Variants in TRIM36 observed in about 807,000 individuals in gnomAD.
TRIM36 encodes the protein tripartite motif containing 36.
Under a neutral mutation model 72.4 loss-of-function variants are expected in TRIM36, and 42 were observed. That is an observed-to-expected ratio of 0.58 (90% confidence interval 0.45 to 0.75). The LOEUF is 0.75. Among genes scored for constraint, TRIM36 ranks in the 30% least tolerant of loss-of-function variants. The pLI is 0.00. For synonymous variants in TRIM36, 315 were observed against 282.8 expected (o/e 1.11, Z -1.14); for missense variants, 913 against 857.1 (o/e 1.07, Z -0.81).
exon 1 of TRIM36, chr5:115,179,995 C>G: frequency 6.2e-7 from 1 of 1,614,120 alleles, no homozygotes; most frequent in Non-Finnish European, 8.5e-7. Context: ...GCTATCAATT[C>G]CATGATGTAG....
intron 8 of TRIM36, among the ~76,000 whole-genome samples, chr5:115,131,636 A>G (rs1453376515): frequency 1.3e-5 from 2 of 152,228 alleles, no homozygotes; most frequent in Non-Finnish European, 2.9e-5. Flanking sequence ...CAGCCTTAAA[A>G]AGGAAAGATT....
chr5:115,159,783 G>A (rs762929107), intron 2 of TRIM36: 3 of 398,872 alleles, frequency 7.5e-6, no homozygotes, highest in Non-Finnish European at 1.5e-5. Flanking sequence ...TACAATTATT[G>A]AATTAACAGT....
chr5:115,140,755 T>C (rs1753233219), intron 5 of TRIM36, among the ~76,000 whole-genome samples: 2 of 152,332 alleles, frequency 1.3e-5, no homozygotes, highest in Admixed American at 6.5e-5. Flanking sequence ...CTTATTGCTA[T>C]TTTTATTCTA....
intron 1 of TRIM36, among the ~76,000 whole-genome samples, chr5:115,175,224 C>CCTCCA (rs1399745830): frequency 6.6e-6 from 1 of 151,988 alleles, no homozygotes; most frequent in Admixed American, 6.5e-5. Context: ...GTCAGCCCTA[C>CCTCCA]CTCCACTTCT....
intron 1 of TRIM36, chr5:115,177,857 G>C (rs1755409584): frequency 6.2e-7 from 1 of 1,613,978 alleles, no homozygotes; most frequent in Admixed American, 1.7e-5. Context: ...GTTTGCTGCA[G>C]GCCCATTGCT....
At chr5:115,152,804 A>C (rs1352543880) in intron 2 of TRIM36, among the ~76,000 whole-genome samples, 2 of 152,218 alleles carry the variant, frequency 1.3e-5, no homozygotes, top group African/African-American at 4.8e-5. Context: ...TTTTTCAGAC[A>C]AACAAATGCT....
chr5:115,177,652 G>C, intron 1 of TRIM36: 2 of 1,587,068 alleles, frequency 1.3e-6, no homozygotes, highest in Non-Finnish European at 1.7e-6. Context: ...TGAGCCTGAG[G>C]AGAGTGGTAG....
intron 7 of TRIM36, among the ~76,000 whole-genome samples, chr5:115,135,707 C>G (rs146355480): frequency 4.6e-5 from 7 of 152,146 alleles, no homozygotes; most frequent in Non-Finnish European, 8.8e-5. Flanking sequence ...TGTATATATA[C>G]TATTCAAGCA....
At chr5:115,143,365 C>T (rs1234701812) in intron 4 of TRIM36, among the ~76,000 whole-genome samples, 1 of 151,528 alleles carries the variant, frequency 6.6e-6, no homozygotes, top group Non-Finnish European at 1.5e-5. Context: ...ACAAAAGACC[C>T]AAACGTTTCC....
intron 1 of TRIM36, among the ~76,000 whole-genome samples, chr5:115,174,962 T>C (rs1466720989): frequency 6.6e-6 from 1 of 152,160 alleles, no homozygotes; most frequent in African/African-American, 2.4e-5. Flanking sequence ...TCTGGCCAAC[T>C]TGAGGTAAAC....
At chr5:115,155,304 C>T (rs1215460285) in intron 2 of TRIM36, among the ~76,000 whole-genome samples, 1 of 151,946 alleles carries the variant, frequency 6.6e-6, no homozygotes, top group African/African-American at 2.4e-5. Context: ...GCCGAGATCG[C>T]ACCACTGCAC....
At chr5:115,155,931 A>C (rs1300055164) in intron 2 of TRIM36, among the ~76,000 whole-genome samples, 1 of 152,174 alleles carries the variant, frequency 6.6e-6, no homozygotes, top group African/African-American at 2.4e-5. Flanking sequence ...AAAGCTCCTA[A>C]AACAGATAAA....
intron 4 of TRIM36, 93 bp downstream of exon 4, chr5:115,144,505 C>T: frequency 4.8e-6 from 7 of 1,459,018 alleles, no homozygotes; most frequent in Non-Finnish European, 6.6e-6. Context: ...ACAAAAGAGA[C>T]CATATAACAC....
upstream of TRIM36, among the ~76,000 whole-genome samples, chr5:115,172,002 A>G (rs1755136006): frequency 2.0e-5 from 3 of 152,194 alleles, no homozygotes; most frequent in South Asian, 6.2e-4. Flanking sequence ...AGGACTTTCT[A>G]AGCCTAATTC....
Position 115,163,604 on chromosome 5 carries a change from A to G in TRIM36, c.176T>C (p.Val59Ala). The change falls in exon 2 of 10, where the codon GTG (valine) becomes GCG (alanine). Residue 59 changes from valine (V) to alanine (A), a missense_variant. By Grantham distance (64) the Val-to-Ala change is moderately conservative (BLOSUM62 0). Transcript: ENST00000513154. ...GCTTTGATTGGAGTTGTCTGATCCCACATCGTTGAATGAATCATCGAGAGT... is the reference window on the plus strand; with the variant it reads ...GCTTTGATTGGAGTTGTCTGATCCCGCATCGTTGAATGAATCATCGAGAGT... ...LLTLDDSFND[V>A]GSDNSNQSSP... 6.2e-7 allele frequency: 1 copy of G among 1,614,204 alleles called. No individual in the cohort carries two copies. The highest frequency in any genetic ancestry group is 1.3e-5 in the African/African-American group (1 of 75,040).
chr5:115,154,475 T>A (rs894330157), intron 2 of TRIM36, among the ~76,000 whole-genome samples: 3 of 151,788 alleles, frequency 2.0e-5, no homozygotes. Flanking sequence ...AAAATCCAAA[T>A]AAGCTCAATA....
intron 6 of TRIM36, 52 bp from the exon 7 acceptor site, chr5:115,137,176 C>T (rs1753007604): frequency 1.3e-6 from 2 of 1,523,060 alleles, no homozygotes; most frequent in East Asian, 4.6e-5. Flanking sequence ...TCAAATCAGA[C>T]TAAATATCTG....
upstream of TRIM36, among the ~76,000 whole-genome samples, chr5:115,172,612 T>C (rs987200978): frequency 1.3e-5 from 2 of 152,098 alleles, no homozygotes; most frequent in Non-Finnish European, 2.9e-5. Context: ...GGCACACGCC[T>C]GTAATCCCAG....
At position 115,147,368 on chromosome 5, in the gene TRIM36, T is replaced by G; in HGVS notation, c.289A>C (p.Arg97=). The stretch of plus-strand genomic sequence containing the variant: ...CCAGGGCAAGGGAAAACAGTTGTCC[T>G]CGGGGTCAATGAATTGCGCTTCCAG... ...PGWKRNSLTP[R]TTVFPCPGCE... is the part of the protein sequence containing the mutation. Residue 97 remains arginine (R), a synonymous_variant, in exon 3 of 10, where the codon AGG becomes CGG. Coordinates refer to ENST00000513154, the MANE Select transcript of TRIM36 (RefSeq NM_001300759.2). 6.2e-7 allele frequency: 1 copy of G among 1,612,626 alleles called. No individual in the cohort carries two copies. Among genetic ancestry groups the G allele is most frequent in the Admixed American group, 1.7e-5 (1 of 60,020 alleles).
Sources: allele counts gnomAD v4.1 joint callset (sites outside exome capture counted in the v4.1 genomes callset), GRCh38; gene constraint gnomAD v4.1.1; transcripts MANE v1.5; gene names NCBI Gene and HGNC (gene_info 2026-07-23, HGNC 2026-07-21).